The following NDST3 variants were observed in gnomAD, a reference collection of about 807,000 sequenced individuals.
NDST3 encodes N-deacetylase and N-sulfotransferase 3.
A neutral mutation model predicts 96.1 loss-of-function variants in NDST3; 58 were observed. The observed-to-expected ratio is 0.60, with a 90% CI of 0.49 to 0.75. The LOEUF is 0.75. Among genes scored for constraint, NDST3 ranks in the 30% least tolerant of loss-of-function variants. The pLI, the probability that NDST3 is intolerant of heterozygous loss-of-function variation, is 0.00. For synonymous variants in NDST3, 333 were observed against 359.7 expected (o/e 0.93, Z 0.84); for missense variants, 788 against 1,034.2 (o/e 0.76, Z 3.27).
chr4:118,209,305 C>T (rs1027880565), intron 6 of NDST3, among the ~76,000 whole-genome samples: 1 of 152,160 alleles, frequency 6.6e-6, no homozygotes, highest in African/African-American at 2.4e-5. Context: ...ATTCATTATT[C>T]TGTCACTTTC....
At chr4:118,232,453 G>A (rs567139982) in intron 8 of NDST3, among the ~76,000 whole-genome samples, 175 of 151,810 alleles carry the variant, frequency 1.2e-3, no homozygotes, top group Non-Finnish European at 2.0e-3. Context: ...AACACAGTGA[G>A]ACCTCATTTC....
At chr4:118,078,302 G>A (rs950907782) in intron 2 of NDST3, among the ~76,000 whole-genome samples, 2 of 152,138 alleles carry the variant, frequency 1.3e-5, no homozygotes, top group African/African-American at 2.4e-5. Context: ...AATGACACAC[G>A]TGAACTGCTT....
chr4:118,151,395 A>AT (rs1734387521), intron 6 of NDST3, among the ~76,000 whole-genome samples: 1 of 149,836 alleles, frequency 6.7e-6, no homozygotes, highest in African/African-American at 2.5e-5. Context: ...AATAATAATA[A>AT]AAAAAAGAAA....
intron 12 of NDST3, 63 bp downstream of exon 12, chr4:118,242,212 C>T (rs1741050773): frequency 2.6e-6 from 3 of 1,154,452 alleles, no homozygotes; most frequent in African/African-American, 3.1e-5. Context: ...AAAGAAATTG[C>T]AGTTTGGTCA....
intron 3 of NDST3, among the ~76,000 whole-genome samples, chr4:118,108,980 A>G (rs1730426831): frequency 6.6e-6 from 1 of 152,194 alleles, no homozygotes; most frequent in Admixed American, 6.5e-5. Flanking sequence ...ACATAATTAG[A>G]TATCTATTTT....
rs761150722 is a variant in NDST3 at position 118,255,995 on chromosome 4, A to C, written c.*283A>C. 9 of 209,348 alleles carry C rather than the reference A, an allele frequency of 4.3e-5. No individual in the cohort carries two copies. The highest frequency in any genetic ancestry group is 8.5e-5 in the Non-Finnish European group (9 of 105,466). The allele number at this position is 209,348 out of a possible 1,614,324, so 13.0% of individuals were successfully genotyped here. A position where few individuals can be genotyped will look rare whatever the true frequency, so the allele number is the denominator to read the frequency against. Reference sequence around the variant, plus strand: ...CAATTGCAACCAACATAAATATCAAACACAAATGCAGAACTGTTCCATTTC... The same window carrying C: ...CAATTGCAACCAACATAAATATCAACCACAAATGCAGAACTGTTCCATTTC... On this transcript the variant is annotated 3_prime_UTR_variant, in exon 14 of 14. Transcript: ENST00000296499.
chr4:118,068,774 A>G (rs1340678115), intron 2 of NDST3, among the ~76,000 whole-genome samples: 3 of 152,170 alleles, frequency 2.0e-5, no homozygotes, highest in Non-Finnish European at 4.4e-5. Context: ...AGTATCTTAA[A>G]ATCATGTTGT....
chr4:118,156,889 T>C (rs1231262926), intron 6 of NDST3, among the ~76,000 whole-genome samples: 3 of 152,198 alleles, frequency 2.0e-5, no homozygotes, highest in African/African-American at 7.2e-5. Flanking sequence ...TTTAACAACA[T>C]CTAACAAATC....
intron 6 of NDST3, among the ~76,000 whole-genome samples, chr4:118,183,104 A>G (rs1320855042): frequency 6.6e-6 from 1 of 152,208 alleles, no homozygotes; most frequent in Non-Finnish European, 1.5e-5. Context: ...AATTTTGGAA[A>G]GAAGAGATGA....
At chr4:118,091,131 T>A (rs929746904) in intron 2 of NDST3, among the ~76,000 whole-genome samples, 2 of 151,396 alleles carry the variant, frequency 1.3e-5, no homozygotes, top group Non-Finnish European at 3.0e-5. Flanking sequence ...ATACCAGATA[T>A]AGATACTTGA....
chr4:118,106,116 A>G (rs770001599), intron 3 of NDST3, among the ~76,000 whole-genome samples: 2 of 152,114 alleles, frequency 1.3e-5, no homozygotes, highest in Non-Finnish European at 2.9e-5. Context: ...CTTGAGGAGT[A>G]TCTGGGTTTT....
At chr4:118,055,628 T>C (rs576700521) in intron 2 of NDST3, 4 of 152,118 alleles carry the variant, frequency 2.6e-5, no homozygotes, top group Admixed American at 2.6e-4. Context: ...TGTTTACTAT[T>C]AAAAAATTTT....
chr4:118,052,478 C>G (rs1355370178), intron 1 of NDST3, among the ~76,000 whole-genome samples: 1 of 151,990 alleles, frequency 6.6e-6, no homozygotes, highest in Non-Finnish European at 1.5e-5. Context: ...CCGTAAATGT[C>G]AGCATCCCAC....
At chr4:118,242,252 T>A in intron 12 of NDST3, 103 bp downstream of exon 12, 1 of 669,080 alleles carries the variant, frequency 1.5e-6, no homozygotes, top group South Asian at 2.2e-5. Context: ...GTTCCTTATA[T>A]ACTGGTTATT....
At chr4:118,048,867 A>T (rs1301804266) in intron 1 of NDST3, among the ~76,000 whole-genome samples, 1 of 152,174 alleles carries the variant, frequency 6.6e-6, no homozygotes, top group Non-Finnish European at 1.5e-5. Flanking sequence ...ACACCTGACC[A>T]ACTAGATCTA....
intron 6 of NDST3, among the ~76,000 whole-genome samples, chr4:118,183,946 G>C (rs533013595): frequency 6.6e-6 from 1 of 152,126 alleles, no homozygotes; most frequent in East Asian, 1.9e-4. Flanking sequence ...GATGTACCAC[G>C]GGGCACTCAC....
chr4:118,227,352 T>G (rs960762452), intron 8 of NDST3, among the ~76,000 whole-genome samples: 1 of 152,112 alleles, frequency 6.6e-6, no homozygotes, highest in Non-Finnish European at 1.5e-5. Context: ...TACCTATAAC[T>G]CTTTATAATA....
At chr4:118,111,561 G>C (rs1363572514) in intron 3 of NDST3, among the ~76,000 whole-genome samples, 1 of 146,084 alleles carries the variant, frequency 6.8e-6, no homozygotes, top group African/African-American at 2.6e-5. Context: ...TTTTGAGATG[G>C]AGTCTCGCTC....
intron 2 of NDST3, among the ~76,000 whole-genome samples, chr4:118,074,839 C>T (rs1727378194): frequency 6.6e-6 from 1 of 152,054 alleles, no homozygotes; most frequent in Admixed American, 6.6e-5. Flanking sequence ...AGTATATTTA[C>T]ATCTGTTTTT....
Sources: gnomAD v4.1 joint callset for allele counts (sites outside exome capture counted in the v4.1 genomes callset) on GRCh38, gnomAD v4.1.1 for gene constraint, MANE v1.5 for transcripts, NCBI Gene and HGNC (gene_info 2026-07-23, HGNC 2026-07-21) for gene names.